Variants in EML3 observed in about 807,000 individuals in gnomAD.
EML3 encodes the protein EMAP like 3.
EML3 carries 53 observed loss-of-function variants against 106.7 expected under a neutral mutation model. The ratio of observed to expected loss-of-function variants is 0.50; its 90% CI spans 0.40 to 0.62. EML3 has a LOEUF of 0.62. EML3 is among the 20% of genes least tolerant of loss of function. EML3 has a pLI of 0.00. For synonymous variants in EML3, 499 were observed against 489.6 expected, an observed-to-expected ratio of 1.02 and a Z score of -0.25; for missense variants, 994 against 1,209.1, an observed-to-expected ratio of 0.82 and a Z score of 2.64.
Position 62,609,176 on chromosome 11 carries a change from A to G in EML3, c.759-44T>C, listed in dbSNP as rs375260925. 15 of 1,609,086 alleles carry G rather than the reference A, an allele frequency of 9.3e-6. No individual in the cohort carries two copies. In the African/African-American group the frequency reaches 1.7e-4, roughly 19 times the overall value. ...TCAAGGAAAGGGTTAGATCAAGGGCAGGAGGAGGAAGAGGGGAGAAAGACA... is the reference window on the plus strand; with the variant it reads ...TCAAGGAAAGGGTTAGATCAAGGGCGGGAGGAGGAAGAGGGGAGAAAGACA... On this transcript the variant is annotated intron_variant, in intron 6 of 21. Transcript: ENST00000394773.
In EML3 at chr11:62,611,241, G is replaced by T. The variant is rs752181097; in HGVS notation, c.298C>A (p.Pro100Thr). Residue 100 changes from proline to threonine, a missense_variant, in exon 3 of 22, where the codon CCT becomes ACT. By Grantham distance (38) the Pro-to-Thr change is conservative. Coordinates refer to ENST00000394773, the MANE Select transcript of EML3 (RefSeq NM_153265.3). ...GCTGGGGGTCCATTGCTCAGGCCAG[G>T]GGGTCCAGGGGATGACTTGAGCTCC... ...EVELKSSPGPPGLSNGPPAPQ... is the reference protein window; with the variant it reads ...EVELKSSPGPTGLSNGPPAPQ... 6.2e-7 allele frequency: 1 copy of T among 1,612,250 alleles called. No homozygotes were observed. Among genetic ancestry groups the T allele is most frequent in the South Asian group, 1.1e-5 (1 of 91,086 alleles).
At position 62,602,900 on chromosome 11, in the gene EML3, G is replaced by T. The variant is rs1311611060; in HGVS notation, c.2357-11C>A. 3.2e-6 allele frequency: 5 copies of T among 1,542,968 alleles called. No individual in the cohort carries two copies. In the Admixed American group the frequency reaches 5.6e-5, roughly 17 times the overall value. On this transcript the variant is annotated splice_polypyrimidine_tract_variant and intron_variant, in intron 20 of 21. Coordinates refer to ENST00000394773, the MANE Select transcript of EML3 (RefSeq NM_153265.3). ...CGTCCGGCCAGACGCCTAGCACAGC[G>T]GCCGGCCTCAGCCCGACCTCCTACC... is the stretch of plus-strand genomic sequence containing the variant.
At chr11:62,609,266 C>G (rs1942690801) in intron 6 of EML3, 88 bp downstream of exon 6, 3 of 1,540,586 alleles carry the variant, frequency 1.9e-6, no homozygotes, top group Admixed American at 3.8e-5. Context: ...GGCTCCTTGT[C>G]CCCACAGACC....
In EML3 at chr11:62,606,164, C is replaced by T. The variant is rs762109104; in HGVS notation, c.1555G>A (p.Ala519Thr). 1.2e-5 allele frequency: 19 copies of T among 1,613,954 alleles called. No individual in the cohort carries two copies. Among genetic ancestry groups the T allele is most frequent in the South Asian group, 2.2e-5 (2 of 91,092 alleles). Residue 519 changes from alanine (A) to threonine (T), a missense_variant, in exon 13 of 22, where the codon GCC (alanine) becomes ACC (threonine). Ala to Thr is a moderately conservative substitution (Grantham distance 58). Around this residue, in one of 3 missense-constraint regions of EML3, gnomAD observed 713 missense variants for 920.5 expected, o/e 0.77. Transcript: ENST00000394773. ...GTCCCGTCCCTCCGGAGACACAAGG[C>T]GAAGATAGAACCTTCATGAGCGTGA... ...QAHAHEGSIF[A>T]LCLRRDGTVL...
intron 20 of EML3, 75 bp downstream of exon 20, chr11:62,603,074 G>T: frequency 6.3e-7 from 1 of 1,582,518 alleles, no homozygotes; most frequent in South Asian, 1.1e-5. Flanking sequence ...AACGACACAC[G>T]CCCAGCGTTC....
In EML3 at chr11:62,602,449, G is replaced by A; in HGVS notation, c.*26C>T. The A allele has an allele frequency of 6.5e-7, 1 of 1,545,070 alleles. No homozygotes were observed. Among genetic ancestry groups the A allele is most frequent in the South Asian group, 1.2e-5 (1 of 83,894 alleles). ...AGGGCGGGGCGGGGCCACGCCGCCG[G>A]GCCAGTCGGTCCCGCCAGGCAGCGA... On this transcript the variant is annotated 3_prime_UTR_variant, in exon 22 of 22. Transcript: ENST00000394773.
At chr11:62,606,248 G>C (rs1369030176) in intron 12 of EML3, 34 bp from the exon 13 acceptor site, 2 of 1,601,148 alleles carry the variant, frequency 1.2e-6, no homozygotes, top group Non-Finnish European at 1.7e-6. Flanking sequence ...TCATGTTTTG[G>C]GGGTGCAGGG....
At chr11:62,606,395 G>T in intron 12 of EML3, 181 bp from the exon 13 acceptor site, 1 of 754,514 alleles carries the variant, frequency 1.3e-6, no homozygotes, top group Non-Finnish European at 2.1e-6. Context: ...GGACAACTGA[G>T]ACTCACAGAA....
At position 62,608,223 on chromosome 11, in the gene EML3, C is replaced by A. The variant is rs1230597874; in HGVS notation, c.1184G>T (p.Gly395Val). The A allele has an allele frequency of 1.3e-5, 21 of 1,613,910 alleles. No individual in the cohort carries two copies. The highest frequency in any genetic ancestry group is 1.7e-5 in the Non-Finnish European group (20 of 1,179,992). The stretch of plus-strand genomic sequence containing the variant: ...CACCTTGATCTCAGCCAGCTTCATT[C>A]CCCGGCTGCAGTCCCACACCGACAG... ...HMLSVWDCSR[G>V]MKLAEIKSTN... Residue 395 changes from glycine (G) to valine (V), a missense_variant, in exon 10 of 22, where the codon GGA (glycine) becomes GTA (valine). By Grantham distance (109) the Gly-to-Val change is moderately radical. Around this residue, in one of 3 missense-constraint regions of EML3, gnomAD observed 713 missense variants for 920.5 expected, o/e 0.77. Transcript: ENST00000394773.
At chr11:62,603,041 T>C (rs1942320797) in intron 20 of EML3, 108 bp downstream of exon 20, 2 of 1,536,856 alleles carry the variant, frequency 1.3e-6, no homozygotes, top group East Asian at 2.3e-5. Flanking sequence ...GGGCTGGATC[T>C]TCAGGTTTCT....
rs765408979 is a variant in EML3 at position 62,611,460 on chromosome 11, C to T, written c.159G>A (p.Leu53=). 1 of 1,613,862 alleles carries T rather than the reference C, an allele frequency of 6.2e-7. No individual in the cohort carries two copies. The highest frequency in any genetic ancestry group is 1.3e-5 in the African/African-American group (1 of 75,060). Residue 53 remains leucine (L), a synonymous_variant, in exon 2 of 22, where the codon CTG becomes CTA. Transcript: ENST00000394773. ...GAGGAGCTGGTGTGCCAGAGCCCTG[C>T]AGGGAGGAAGGGGGCACCTGCAGCC... is the stretch of plus-strand genomic sequence containing the variant. The part of the protein sequence containing the change: ...LLRLQVPPSS[L]QGSGTPAPPG...
In EML3 at chr11:62,607,393, A is replaced by C; in HGVS notation, c.1362+273T>G. On this transcript the variant is annotated intron_variant, in intron 11 of 21. Coordinates refer to ENST00000394773, the MANE Select transcript of EML3 (RefSeq NM_153265.3). ...AACCGTATCTCTATTAAAAATACAA[A>C]AATCAGCCGGCGCGCATCTGTAATC... The C allele has an allele frequency of 8.6e-6, 4 of 465,786 alleles. No homozygotes were observed. In the South Asian group the frequency reaches 1.5e-4, roughly 17 times the overall value. The allele number at this position is 465,786 out of a possible 1,614,324, so 28.9% of individuals were successfully genotyped here.
Position 62,605,842 on chromosome 11 carries a change from C to G in EML3, c.1782+13G>C. 6.2e-7 allele frequency: 1 copy of G among 1,613,852 alleles called. No homozygotes were observed. Among genetic ancestry groups the G allele is most frequent in the Non-Finnish European group, 8.5e-7 (1 of 1,179,836 alleles). Reference sequence around the variant, plus strand: ...CCTTTGTCCCTTCCTCCCCTGAGCCCTTAACCCCCAACCTGGATTACAGGG... The same window carrying G: ...CCTTTGTCCCTTCCTCCCCTGAGCCGTTAACCCCCAACCTGGATTACAGGG... On this transcript the variant is annotated intron_variant, in intron 14 of 21. Coordinates refer to ENST00000394773, the MANE Select transcript of EML3 (RefSeq NM_153265.3). The surrounding 1 kb of genome is among the most constrained non-coding windows in gnomAD (Gnocchi z 5.2).
intron 18 of EML3, 62 bp downstream of exon 18, chr11:62,603,882 G>A: frequency 6.2e-7 from 1 of 1,609,728 alleles, no homozygotes; most frequent in Admixed American, 1.7e-5. Context: ...CCCCCTTGAT[G>A]CATCAGACCC....
chr11:62,604,100 G>C lies in EML3; in HGVS notation c.2071+13C>G. On this transcript the variant is annotated intron_variant, in intron 17 of 21. Transcript: ENST00000394773. ...AGGGACGCATGTGAGTCCAGGGTTGGGGTGGCTCCCACCTGGGCTGTACCG... is the reference window on the plus strand; with the variant it reads ...AGGGACGCATGTGAGTCCAGGGTTGCGGTGGCTCCCACCTGGGCTGTACCG... 6.2e-7 allele frequency: 1 copy of C among 1,614,040 alleles called. No homozygotes were observed. Among genetic ancestry groups the C allele is most frequent in the South Asian group, 1.1e-5 (1 of 91,074 alleles).
chr11:62,605,714 G>C lies in EML3; in HGVS notation c.1842C>G (p.Thr614=). 2 of 1,600,982 alleles carry C rather than the reference G, an allele frequency of 1.2e-6. No individual in the cohort carries two copies. Among genetic ancestry groups the C allele is most frequent in the African/African-American group, 2.7e-5 (2 of 74,846 alleles). The change falls in exon 15 of 22, where the codon ACC becomes ACG. Residue 614 remains threonine (T), a synonymous_variant. Coordinates refer to ENST00000394773, the MANE Select transcript of EML3 (RefSeq NM_153265.3). The surrounding 1 kb of genome is among the most constrained non-coding windows in gnomAD (Gnocchi z 5.2). ...CTHPSQNRFL[T]CGHDRQLCLW... ...GGCAGAGCTGCCGGTCGTGGCCGCA[G>C]GTGAGGAAGCGGTTCTGGGAGGGGT...
chr11:62,606,284 T>G (rs1942514875), intron 12 of EML3, 70 bp from the exon 13 acceptor site: 1 of 1,548,154 alleles, frequency 6.5e-7, no homozygotes, highest in Admixed American at 1.9e-5. Flanking sequence ...CCAGCTTGGC[T>G]GTCGCAATAC....
chr11:62,603,332 G>T, intron 19 of EML3, 85 bp from the exon 20 acceptor site: 1 of 1,316,320 alleles, frequency 7.6e-7, no homozygotes, highest in Non-Finnish European at 1.1e-6. Context: ...GGAAAGACTG[G>T]CATGAAACCC....
chr11:62,612,309 G>T (rs1942871584), intron 1 of EML3, 127 bp downstream of exon 1: 1 of 930,578 alleles, frequency 1.1e-6, no homozygotes, highest in Non-Finnish European at 1.6e-6. Context: ...AACTGTGGAG[G>T]ATGCTCGGAG....
Sources: gnomAD v4.1 joint callset for allele counts on GRCh38, gnomAD v4.1.1 for gene constraint, gnomAD v4.1.1 regional missense constraint, Gnocchi (gnomAD v3.1) non-coding constraint, MANE v1.5 for transcripts, NCBI Gene and HGNC (gene_info 2026-07-23, HGNC 2026-07-21) for gene names.